Variants in PRKN observed in about 807,000 individuals in gnomAD.
The protein encoded by PRKN is parkin RBR E3 ubiquitin protein ligase, also known as E3 ubiquitin-protein ligase parkin.
Under a neutral mutation model 59.5 loss-of-function variants are expected in PRKN, and 56 were observed. That is an observed-to-expected ratio of 0.94 (90% CI 0.76 to 1.18). PRKN has a LOEUF of 1.18. PRKN is among the 50% of genes most tolerant of loss of function. The probability of loss-of-function intolerance (pLI) is 0.00; values close to 1 mark genes in which losing one functional copy is unlikely to be tolerated. For synonymous variants in PRKN, 250 were observed against 222.1 expected, an observed-to-expected ratio of 1.13 and a Z score of -1.12; for missense variants, 657 against 596.4, an observed-to-expected ratio of 1.10 and a Z score of -1.06.
chr6:162,345,560 A>T (rs78163132), intron 2 of PRKN, among the ~76,000 whole-genome samples: 4 of 152,188 alleles, frequency 2.6e-5, no homozygotes, highest in African/African-American at 9.6e-5. Context: ...TTATTCACAA[A>T]GGCCGTATAA....
intron 6 of PRKN, among the ~76,000 whole-genome samples, chr6:161,890,580 A>G (rs1795307161): frequency 6.6e-6 from 1 of 152,196 alleles, no homozygotes; most frequent in Non-Finnish European, 1.5e-5. Context: ...GCTGGAGAAA[A>G]GGTGGATGCT....
At chr6:162,098,274 T>C (rs1227382364) in intron 4 of PRKN, among the ~76,000 whole-genome samples, 1 of 152,158 alleles carries the variant, frequency 6.6e-6, no homozygotes, top group Admixed American at 6.5e-5. Flanking sequence ...CACAGGAATG[T>C]CCGCTTTTCC....
chr6:162,726,129 C>T (rs1270187081), intron 1 of PRKN, among the ~76,000 whole-genome samples: 2 of 152,194 alleles, frequency 1.3e-5, no homozygotes, highest in Admixed American at 6.5e-5. Context: ...TTTATATAAT[C>T]ACTTATTAGG....
intron 3 of PRKN, among the ~76,000 whole-genome samples, chr6:162,212,536 A>G (rs1202908899): frequency 1.3e-5 from 2 of 152,230 alleles, no homozygotes; most frequent in Non-Finnish European, 2.9e-5. Context: ...CTAAAGAAGA[A>G]AAACATCGGG....
chr6:161,708,279 C>T (rs1483095384), intron 7 of PRKN, among the ~76,000 whole-genome samples: 1 of 151,916 alleles, frequency 6.6e-6, no homozygotes, highest in African/African-American at 2.4e-5. Flanking sequence ...ACTTAGGGAA[C>T]ATTTATTTTA....
intron 7 of PRKN, among the ~76,000 whole-genome samples, chr6:161,700,367 T>G (rs554259748): frequency 6.6e-6 from 1 of 152,112 alleles, no homozygotes; most frequent in Non-Finnish European, 1.5e-5. Flanking sequence ...AAAGTCCAAT[T>G]ATTTCTCCCA....
intron 2 of PRKN, among the ~76,000 whole-genome samples, chr6:162,410,403 A>G (rs759747653): frequency 3.3e-5 from 5 of 152,096 alleles, no homozygotes; most frequent in Non-Finnish European, 5.9e-5. Flanking sequence ...AAAACAGCTA[A>G]CGATTCACAT....
chr6:161,848,103 C>T (rs556261290), intron 6 of PRKN, among the ~76,000 whole-genome samples: 5 of 152,344 alleles, frequency 3.3e-5, no homozygotes, highest in African/African-American at 1.2e-4. Flanking sequence ...CACTGGATGT[C>T]AGGTACCGCC....
At chr6:161,747,616 T>C (rs1443027980) in intron 7 of PRKN, among the ~76,000 whole-genome samples, 1 of 152,206 alleles carries the variant, frequency 6.6e-6, no homozygotes, top group Non-Finnish European at 1.5e-5. Flanking sequence ...TGCATAATCA[T>C]TTGTAGTTAA....
chr6:161,879,505 A>G (rs1320266544), intron 6 of PRKN, among the ~76,000 whole-genome samples: 3 of 151,828 alleles, frequency 2.0e-5, no homozygotes, highest in African/African-American at 7.3e-5. Context: ...GAGCCACCAC[A>G]CCAGCTAACT....
At chr6:161,639,937 T>G (rs1054847624) in intron 7 of PRKN, among the ~76,000 whole-genome samples, 1 of 152,184 alleles carries the variant, frequency 6.6e-6, no homozygotes, top group African/African-American at 2.4e-5. Flanking sequence ...CTGCTTCTAG[T>G]AAAATTCTTT....
chr6:162,500,535 C>T (rs1470564894), intron 1 of PRKN, among the ~76,000 whole-genome samples: 9 of 152,114 alleles, frequency 5.9e-5, no homozygotes, highest in African/African-American at 1.7e-4. Context: ...GGAAGACGGA[C>T]GGAATGAGTA....
intron 7 of PRKN, among the ~76,000 whole-genome samples, chr6:161,719,473 T>C (rs1787129890): frequency 6.6e-6 from 1 of 152,170 alleles, no homozygotes; most frequent in African/African-American, 2.4e-5. Flanking sequence ...CCACAAAAGC[T>C]TTCTTGTCTG....
intron 9 of PRKN, among the ~76,000 whole-genome samples, chr6:161,406,829 G>A (rs1787300171): frequency 6.6e-6 from 1 of 152,116 alleles, no homozygotes; most frequent in Non-Finnish European, 1.5e-5. Context: ...TTGCAAATCT[G>A]TAAGCATTTC....
At chr6:162,513,862 T>G (rs148937115) in intron 1 of PRKN, among the ~76,000 whole-genome samples, 25 of 152,214 alleles carry the variant, frequency 1.6e-4, no homozygotes, top group African/African-American at 5.8e-4. Flanking sequence ...GAGACCAGCC[T>G]GGCTAACATG....
chr6:162,156,940 G>C (rs1451673124), intron 4 of PRKN, among the ~76,000 whole-genome samples: 1 of 151,896 alleles, frequency 6.6e-6, no homozygotes, highest in Non-Finnish European at 1.5e-5. Flanking sequence ...TAGGCACTCA[G>C]GTCATCTCAA....
At chr6:161,755,026 C>T (rs993927223) in intron 7 of PRKN, among the ~76,000 whole-genome samples, 1 of 152,196 alleles carries the variant, frequency 6.6e-6, no homozygotes, top group African/African-American at 2.4e-5. Context: ...ATGTTTCTTT[C>T]AGGATAGGCA....
chr6:161,445,567 C>T lies in PRKN; in HGVS notation c.1084-58690G>A, dbSNP rs1369225717. On this transcript the variant is annotated intron_variant, in intron 9 of 11. Transcript: ENST00000366898. This position sits in a 1 kb window ranked among gnomAD's most constrained non-coding sequence, Gnocchi z 7.7. ...ATCGAAGTGTCAGCTGGCTGCCATC[C>T]CAGCGTCTGACAGGGCAGCAGGAGA... Among the ~76,000 whole-genome samples the T allele has an allele frequency of 6.6e-6, 1 of 152,222 alleles. No individual in the cohort carries two copies. The highest frequency in any genetic ancestry group is 1.5e-5 in the Non-Finnish European group (1 of 68,050).
intron 1 of PRKN, among the ~76,000 whole-genome samples, chr6:162,574,099 C>T (rs1336535908): frequency 2.6e-5 from 4 of 152,134 alleles, no homozygotes; most frequent in African/African-American, 9.7e-5. Flanking sequence ...CATGGTCTGG[C>T]ATCATCTCAA....
Sources: gnomAD v4.1 joint callset for allele counts (sites outside exome capture counted in the v4.1 genomes callset) on GRCh38, gnomAD v4.1.1 for gene constraint, Gnocchi (gnomAD v3.1) non-coding constraint, MANE v1.5 for transcripts, NCBI Gene and HGNC (gene_info 2026-07-23, HGNC 2026-07-21) for gene names.